The following CTNNA2 variants were observed in gnomAD, a reference collection of about 807,000 sequenced individuals.
The protein encoded by CTNNA2 is catenin alpha 2, also known as catenin alpha-2.
Under a neutral mutation model 101.0 loss-of-function variants are expected in CTNNA2, and 42 were observed. The ratio of observed to expected loss-of-function variants is 0.42; its 90% confidence interval spans 0.32 to 0.54. The LOEUF (loss-of-function observed/expected upper bound fraction) is 0.54, where lower values mean the gene tolerates loss of function less well. Among genes scored for constraint, CTNNA2 ranks in the 20% least tolerant of loss-of-function variants. The pLI, the probability that CTNNA2 is intolerant of heterozygous loss-of-function variation, is 0.14. For missense variants in CTNNA2, 871 were observed against 1,223.1 expected (o/e 0.71, Z 4.29); for synonymous variants, 450 against 456.4 (o/e 0.99, Z 0.18).
chr2:79,330,109 C>T (rs1197237427), intron 3 of CTNNA2, among the ~76,000 whole-genome samples: 2 of 152,122 alleles, frequency 1.3e-5, no homozygotes, highest in African/African-American at 4.8e-5. Flanking sequence ...TGAATTTTCA[C>T]CTCTACCTGG....
chr2:80,442,308 G>A (rs1377899461), intron 9 of CTNNA2, among the ~76,000 whole-genome samples: 1 of 152,196 alleles, frequency 6.6e-6, no homozygotes, highest in Non-Finnish European at 1.5e-5. Flanking sequence ...TTGCCCAGAA[G>A]GCAGGAGCAA....
intron 2 of CTNNA2, among the ~76,000 whole-genome samples, chr2:79,682,279 C>T (rs574645445): frequency 6.6e-5 from 10 of 151,612 alleles, no homozygotes; most frequent in East Asian, 3.9e-4. Context: ...GGTGTGGTGG[C>T]GGGCGCCTGT....
chr2:80,294,352 GTCTT>G (rs1161219204), intron 7 of CTNNA2, among the ~76,000 whole-genome samples: 1 of 152,106 alleles, frequency 6.6e-6, no homozygotes, highest in African/African-American at 2.4e-5. Context: ...ATGCTTGCAC[GTCTT>G]TCTTCTATCA....
intron 8 of CTNNA2, among the ~76,000 whole-genome samples, chr2:80,404,991 T>C (rs1217047988): frequency 6.6e-6 from 1 of 152,204 alleles, no homozygotes; most frequent in Non-Finnish European, 1.5e-5. Context: ...CATTATTGCA[T>C]TCAAAGCCAT....
chr2:80,227,092 G>A (rs945119574), intron 7 of CTNNA2, among the ~76,000 whole-genome samples: 2 of 152,116 alleles, frequency 1.3e-5, no homozygotes, highest in African/African-American at 2.4e-5. Flanking sequence ...AGGATGATAC[G>A]GAGTATTTGA....
intron 2 of CTNNA2, among the ~76,000 whole-genome samples, chr2:79,230,234 C>T (rs1420004817): frequency 1.3e-5 from 2 of 152,204 alleles, no homozygotes; most frequent in Non-Finnish European, 2.9e-5. Flanking sequence ...TCATCACAGG[C>T]CCAGAGGCAT....
At chr2:80,294,472 C>T (rs1265728958) in intron 7 of CTNNA2, among the ~76,000 whole-genome samples, 1 of 151,666 alleles carries the variant, frequency 6.6e-6, no homozygotes, top group African/African-American at 2.4e-5. Flanking sequence ...CCATGGAGCC[C>T]TGACCCCATG....
intron 3 of CTNNA2, among the ~76,000 whole-genome samples, chr2:79,764,132 C>A (rs939585764): frequency 3.3e-5 from 5 of 152,160 alleles, no homozygotes; most frequent in African/African-American, 1.2e-4. Context: ...AGTTCCTACT[C>A]CTCAGTGGGG....
chr2:79,660,306 T>C (rs1573600797), intron 2 of CTNNA2, among the ~76,000 whole-genome samples: 1 of 150,252 alleles, frequency 6.7e-6, no homozygotes. Flanking sequence ...TATACATATG[T>C]ATGTGTATAT....
intron 1 of CTNNA2, among the ~76,000 whole-genome samples, chr2:79,560,875 T>C (rs1160790494): frequency 6.6e-6 from 1 of 151,916 alleles, no homozygotes; most frequent in Non-Finnish European, 1.5e-5. Context: ...TATTAATAAT[T>C]CCTGAGATTT....
intron 7 of CTNNA2, among the ~76,000 whole-genome samples, chr2:80,187,802 TG>T (rs1357985812): frequency 6.6e-6 from 1 of 151,860 alleles, no homozygotes; most frequent in Non-Finnish European, 1.5e-5. Context: ...TCTACATCTC[TG>T]AGAAATTTAA....
At chr2:80,058,762 A>G (rs1697390626) in intron 7 of CTNNA2, among the ~76,000 whole-genome samples, 2 of 152,230 alleles carry the variant, frequency 1.3e-5, no homozygotes, top group South Asian at 4.1e-4. Context: ...AACCGCAACC[A>G]CAGAGGTACA....
chr2:79,526,069 G>T (rs1333191756), intron 1 of CTNNA2, among the ~76,000 whole-genome samples: 1 of 151,922 alleles, frequency 6.6e-6, no homozygotes, highest in African/African-American at 2.4e-5. Context: ...TTATCTTACA[G>T]TTGCAGAGCT....
chr2:79,770,305 G>A (rs896676379), intron 3 of CTNNA2, among the ~76,000 whole-genome samples: 5 of 152,294 alleles, frequency 3.3e-5, no homozygotes, highest in Non-Finnish European at 7.3e-5. Flanking sequence ...ATTGTGCTAT[G>A]TGTATATTAT....
intron 1 of CTNNA2, among the ~76,000 whole-genome samples, chr2:79,564,466 CAG>C (rs1451209009): frequency 6.6e-6 from 1 of 152,008 alleles, no homozygotes; most frequent in African/African-American, 2.4e-5. Flanking sequence ...CCTTAGGAGA[CAG>C]AATATTTTAA....
At chr2:80,556,183 A>G (rs112781946) in intron 12 of CTNNA2, among the ~76,000 whole-genome samples, 3,195 of 152,298 alleles carry the variant, frequency 0.021, 115 homozygotes, top group African/African-American at 0.073. Context: ...ATTATCTCCA[A>G]TTATGGATGA....
chr2:79,250,615 T>C (rs898832088), intron 2 of CTNNA2, among the ~76,000 whole-genome samples: 1 of 152,216 alleles, frequency 6.6e-6, no homozygotes, highest in Non-Finnish European at 1.5e-5. Context: ...CAAAGCCCTG[T>C]TGAGGAGTCT....
intron 9 of CTNNA2, among the ~76,000 whole-genome samples, chr2:80,495,095 T>C (rs1687349428): frequency 6.6e-6 from 1 of 152,166 alleles, no homozygotes; most frequent in Non-Finnish European, 1.5e-5. Context: ...GGGGATACTG[T>C]AGAAAAAGTT....
chr2:80,456,804 G>A (rs1335809987), intron 9 of CTNNA2, among the ~76,000 whole-genome samples: 2 of 152,104 alleles, frequency 1.3e-5, no homozygotes, highest in Non-Finnish European at 2.9e-5. Flanking sequence ...CATGGAGGTC[G>A]AGTAGAAGGT....
Sources: gnomAD v4.1 joint callset for allele counts (sites outside exome capture counted in the v4.1 genomes callset) on GRCh38, gnomAD v4.1.1 for gene constraint, MANE v1.5 for transcripts, NCBI Gene and HGNC (gene_info 2026-07-23, HGNC 2026-07-21) for gene names.